AGL: variants seen among roughly 807,000 people sequenced by gnomAD.
The protein encoded by AGL is amylo-alpha-1,6-glucosidase and 4-alpha-glucanotransferase, also known as glycogen debranching enzyme.
A neutral mutation model predicts 199.3 loss-of-function variants in AGL; 128 were observed. The ratio of observed to expected loss-of-function variants is 0.64; its 90% confidence interval spans 0.56 to 0.74. AGL has a LOEUF of 0.74. Among genes scored for constraint, AGL ranks in the 30% least tolerant of loss-of-function variants. AGL has a pLI of 0.00. For missense variants in AGL, 1,809 were observed against 1,820.8 expected, an observed-to-expected ratio of 0.99 and a Z score of 0.12; for synonymous variants, 584 against 594.7, an observed-to-expected ratio of 0.98 and a Z score of 0.26.
intron 26 of AGL, among the ~76,000 whole-genome samples, chr1:99,901,892 A>G (rs1653870135): frequency 6.6e-6 from 1 of 152,120 alleles, no homozygotes. Context: ...GTCCTCTGTT[A>G]TCAACTGACA....
rs564871777 is a variant in AGL at position 99,903,706 on chromosome 1, G to A, written c.3700+912G>A. Among the ~76,000 whole-genome samples, 112 of 152,274 alleles carry A rather than the reference G, an allele frequency of 7.4e-4. 1 individual carries two copies. Among genetic ancestry groups the A allele is most frequent in the African/African-American group, 2.6e-3 (106 of 41,558 alleles). ...TCTAGTTCTAGATCCCTGAGGAATCGCCACACTGACTTCCACAATGGTTGA... is the reference window on the plus strand; with the variant it reads ...TCTAGTTCTAGATCCCTGAGGAATCACCACACTGACTTCCACAATGGTTGA... On this transcript the variant is annotated intron_variant, in intron 27 of 33. Coordinates refer to ENST00000361915, the MANE Select transcript of AGL (RefSeq NM_000642.3).
At chr1:99,899,743 C>T (rs1653661604) in intron 25 of AGL, among the ~76,000 whole-genome samples, 3 of 152,008 alleles carry the variant, frequency 2.0e-5, no homozygotes, top group African/African-American at 7.2e-5. Flanking sequence ...GCCTCAGCCT[C>T]CTGAGTAGCT....
chr1:99,900,415 A>G (rs955397916), intron 25 of AGL, among the ~76,000 whole-genome samples: 1 of 152,222 alleles, frequency 6.6e-6, no homozygotes, highest in Non-Finnish European at 1.5e-5. Flanking sequence ...AGAGGGAGTC[A>G]CACAGATTGT....
Position 99,875,034 on chromosome 1 carries a change from G to C in AGL, c.1083-120G>C, listed in dbSNP as rs114767209. The C allele has an allele frequency of 1.7e-3, 1,790 of 1,058,816 alleles. 27 individuals are homozygous for C. In the African/African-American group the frequency reaches 0.026, roughly 16 times the overall value. 65.6% of individuals were successfully genotyped at this position (1,058,816 alleles called of 1,614,324 possible). On this transcript the variant is annotated intron_variant, in intron 8 of 33. Coordinates refer to ENST00000361915, the MANE Select transcript of AGL (RefSeq NM_000642.3). ...TTTTTACAATTGGAAAACATCATCA[G>C]CCATAATTGAAATCCCGATGAATAT... is the stretch of plus-strand genomic sequence containing the variant.
Position 99,912,493 on chromosome 1 carries a change from C to T in AGL, c.3925C>T (p.His1309Tyr). Residue 1309 changes from histidine to tyrosine, a missense_variant, in exon 29 of 34, where the codon CAT (histidine) becomes TAT (tyrosine). Physicochemically the swap from His to Tyr is moderately conservative, Grantham distance 83. Transcript: ENST00000361915. ...ELSKKNIFPY[H>Y]EVTVKRHGKA... ...ATCCAAAAAAAATATTTTCCCTTAT[C>T]ATGAAGTCACAGTAAAAAGACATGG... 6.2e-7 allele frequency: 1 copy of T among 1,613,290 alleles called. No homozygotes were observed. Among genetic ancestry groups the T allele is most frequent in the Non-Finnish European group, 8.5e-7 (1 of 1,179,424 alleles).
intron 2 of AGL, among the ~76,000 whole-genome samples, chr1:99,857,847 A>AGAGGGAGACCGTGGGGGGGGGGGGGGGGG (rs1557743553): frequency 2.4e-4 from 2 of 8,218 alleles, no homozygotes; most frequent in East Asian, 4.7e-3. Context: ...GGGGAGGGGG[A>AGAGGGAGACCGTGGGGGGGGGGGGGGGGG]GGGGGGAAGA....
rs764406647 is a variant in AGL, at chr1:99,881,433, A to C, written c.2143A>C (p.Lys715Gln). The C allele has an allele frequency of 5.6e-6, 9 of 1,614,128 alleles. No homozygotes were observed. The highest frequency in any genetic ancestry group is 6.8e-6 in the Non-Finnish European group (8 of 1,179,994). Reference sequence around the variant, plus strand: ...TAAACTTCATCAGGAGCTTGGAGCCAAGGGTTTTATTCAGGCAAGAAATAA... The same window carrying C: ...TAAACTTCATCAGGAGCTTGGAGCCCAGGGTTTTATTCAGGCAAGAAATAA... Reference protein sequence around the residue: ...ISKLHQELGAKGFIQVYVDQV... With the variant: ...ISKLHQELGAQGFIQVYVDQV... Residue 715 changes from lysine (K) to glutamine (Q), a missense_variant, in exon 16 of 34, where the codon AAG (lysine) becomes CAG (glutamine). Lys to Gln is a moderately conservative substitution (Grantham distance 53). Transcript: ENST00000361915.
In AGL at chr1:99,922,764, T is replaced by C. The variant is rs1048904858; in HGVS notation, c.*1113T>C. On this transcript the variant is annotated 3_prime_UTR_variant, in exon 34 of 34. Coordinates refer to ENST00000361915, the MANE Select transcript of AGL (RefSeq NM_000642.3). ...CTGTTTTCTTAAGAAAACAGTTAAATCATTATGCATTCAGTTGGAAGAAAG... is the reference window on the plus strand; with the variant it reads ...CTGTTTTCTTAAGAAAACAGTTAAACCATTATGCATTCAGTTGGAAGAAAG... 3.3e-5 allele frequency: 5 copies of C among 152,062 alleles called. No individual in the cohort carries two copies. The East Asian group carries it at 9.6e-4, about 29-fold the overall frequency. 9.4% of individuals were successfully genotyped at this position (152,062 alleles called of 1,614,324 possible).
intron 2 of AGL, among the ~76,000 whole-genome samples, chr1:99,854,499 A>T (rs1649243149): frequency 6.6e-6 from 1 of 152,188 alleles, no homozygotes; most frequent in Non-Finnish European, 1.5e-5. Flanking sequence ...GCGGTGGCTC[A>T]CGCCTGTAAT....
chr1:99,879,810 T>G lies in AGL; in HGVS notation c.1612-113T>G. ...TGTTTTGGTATGTTTGATATCTTGC[T>G]GCATATTTTTCTATGTCAAATCATG... On this transcript the variant is annotated intron_variant, in intron 12 of 33. Coordinates refer to ENST00000361915, the MANE Select transcript of AGL (RefSeq NM_000642.3). 4 of 814,172 alleles carry G rather than the reference T, an allele frequency of 4.9e-6. No homozygotes were observed. In the East Asian group the frequency reaches 9.9e-5, roughly 20 times the overall value. 50.4% of individuals were successfully genotyped at this position (814,172 alleles called of 1,614,324 possible). A position where few individuals can be genotyped will look rare whatever the true frequency, so the allele number is the denominator to read the frequency against.
rs202158810 is a variant in AGL at position 99,896,280 on chromosome 1, T to A, written c.3260-6T>A. ...ACATATTACTTTGTTGTGTTTTTTT[T>A]GTTAGGCTTACCTCATTTTTCTTCT... is the stretch of plus-strand genomic sequence containing the variant. On this transcript the variant is annotated splice_region_variant and splice_polypyrimidine_tract_variant and intron_variant, in intron 24 of 33. Coordinates refer to ENST00000361915, the MANE Select transcript of AGL (RefSeq NM_000642.3). 6.2e-7 allele frequency: 1 copy of A among 1,608,508 alleles called. No individual in the cohort carries two copies. The highest frequency in any genetic ancestry group is 1.7e-5 in the Admixed American group (1 of 60,016).
At position 99,892,742 on chromosome 1, in the gene AGL, G is replaced by A. The variant is rs899972599; in HGVS notation, c.3259+135G>A. The A allele has an allele frequency of 8.4e-6, 7 of 832,700 alleles. No individual in the cohort carries two copies. The African/African-American group carries it at 1.2e-4, about 14-fold the overall frequency. The allele number at this position is 832,700 out of a possible 1,614,324, so 51.6% of individuals were successfully genotyped here. On this transcript the variant is annotated intron_variant, in intron 24 of 33. Coordinates refer to ENST00000361915, the MANE Select transcript of AGL (RefSeq NM_000642.3). ...ATTTTACCACTTAGTACATTTCATA[G>A]ATATTCACTCATAAAAATAATAACC...
At position 99,851,010 on chromosome 1, in the gene AGL, T is replaced by G. The variant is rs1648901065; in HGVS notation, c.-33T>G. The G allele has an allele frequency of 1.3e-6, 2 of 1,556,078 alleles. No individual in the cohort carries two copies. Among genetic ancestry groups the G allele is most frequent in the African/African-American group, 2.7e-5 (2 of 73,584 alleles). Reference sequence around the variant, plus strand: ...TTCGACTGTGGAGTTCTTTTAATTCTTATGAAAGATTTCAAATCCTCTAGA... The same window carrying G: ...TTCGACTGTGGAGTTCTTTTAATTCGTATGAAAGATTTCAAATCCTCTAGA... On this transcript the variant is annotated 5_prime_UTR_variant, in exon 2 of 34. Transcript: ENST00000361915.
intron 33 of AGL, among the ~76,000 whole-genome samples, chr1:99,919,750 A>C (rs1316350536): frequency 1.3e-5 from 2 of 152,136 alleles, no homozygotes. Flanking sequence ...CCTACTTCCC[A>C]CATTGGGCCA....
intron 2 of AGL, chr1:99,852,775 A>G (rs1006021243): frequency 4.5e-5 from 35 of 775,674 alleles, no homozygotes; most frequent in Non-Finnish European, 8.4e-5. Context: ...TAATACATGA[A>G]TTTTTTGTGA....
intron 20 of AGL, among the ~76,000 whole-genome samples, chr1:99,886,457 C>T (rs1652460456): frequency 6.6e-6 from 1 of 151,192 alleles, no homozygotes; most frequent in Admixed American, 6.6e-5. Flanking sequence ...TGCTCTCCAG[C>T]CTGGGCAACA....
At chr1:99,879,695 C>A (rs190702518) in intron 12 of AGL, among the ~76,000 whole-genome samples, 1 of 151,802 alleles carries the variant, frequency 6.6e-6, no homozygotes, top group African/African-American at 2.4e-5. Context: ...TTTTCTTCTT[C>A]TTTTCCTCTC....
At chr1:99,896,794 G>T (rs910723187) in intron 25 of AGL, among the ~76,000 whole-genome samples, 4 of 151,700 alleles carry the variant, frequency 2.6e-5, no homozygotes, top group Non-Finnish European at 5.9e-5. Flanking sequence ...ACTTAAAATG[G>T]TTTTTTTTGT....
In AGL at chr1:99,876,569, T is replaced by G. The variant is rs768623422; in HGVS notation, c.1395T>G (p.Asp465Glu). The G allele has an allele frequency of 6.8e-6, 11 of 1,614,050 alleles. No individual in the cohort carries two copies. The highest frequency in any genetic ancestry group is 2.2e-5 in the East Asian group (1 of 44,846). ...LMAHNGWVMG[D>E]DPLRNFAEPG... ...CACACAATGGATGGGTAATGGGAGATGATCCTCTTCGAAACTTTGCTGAAC... is the reference window on the plus strand; with the variant it reads ...CACACAATGGATGGGTAATGGGAGAGGATCCTCTTCGAAACTTTGCTGAAC... The change falls in exon 11 of 34, where the codon GAT becomes GAG. Residue 465 changes from aspartate to glutamate, a missense_variant. Asp to Glu is a conservative substitution (Grantham distance 45). Coordinates refer to ENST00000361915, the MANE Select transcript of AGL (RefSeq NM_000642.3).
Sources: allele counts gnomAD v4.1 joint callset (sites outside exome capture counted in the v4.1 genomes callset), GRCh38; gene constraint gnomAD v4.1.1; transcripts MANE v1.5; gene names NCBI Gene and HGNC (gene_info 2026-07-23, HGNC 2026-07-21).